ZFYVE16: variants seen among roughly 807,000 people sequenced by gnomAD.
The protein encoded by ZFYVE16 is zinc finger FYVE domain-containing protein 16.
ZFYVE16 carries 89 observed loss-of-function variants against 138.1 expected under a neutral mutation model. The observed-to-expected ratio is 0.64, with a 90% CI of 0.54 to 0.77. ZFYVE16 has a LOEUF of 0.77. Ranked by LOEUF, ZFYVE16 falls within the 30% of genes least tolerant of loss-of-function variation. The pLI is 0.00. For synonymous variants in ZFYVE16, 596 were observed against 618.3 expected (o/e 0.96, Z 0.53); for missense variants, 1,793 against 1,786.7 (o/e 1.00, Z -0.06).
intron 2 of ZFYVE16, among the ~76,000 whole-genome samples, chr5:80,433,067 C>A (rs1225423709): frequency 6.6e-6 from 1 of 152,146 alleles, no homozygotes; most frequent in African/African-American, 2.4e-5. Context: ...TACCATTTGA[C>A]CCAGCCATCC....
intron 11 of ZFYVE16, 114 bp from the exon 12 acceptor site, chr5:80,455,578 T>G (rs1238713972): frequency 3.8e-5 from 32 of 847,330 alleles, no homozygotes; most frequent in Non-Finnish European, 5.6e-5. Context: ...TAAGAACTGA[T>G]TGAGTGATAT....
intron 1 of ZFYVE16, among the ~76,000 whole-genome samples, chr5:80,421,319 C>T (rs1361870790): frequency 2.0e-5 from 3 of 151,794 alleles, no homozygotes; most frequent in Admixed American, 6.6e-5. Flanking sequence ...CATTTGTCAA[C>T]TGTGGCTTTT....
Position 80,472,849 on chromosome 5 carries a change from G to A in ZFYVE16, c.4113G>A (p.Gly1371=). 6.2e-7 allele frequency: 1 copy of A among 1,614,072 alleles called. No homozygotes were observed. Among genetic ancestry groups the A allele is most frequent in the African/African-American group, 1.3e-5 (1 of 75,054 alleles). The change falls in exon 16 of 19, where the codon GGG becomes GGA. Residue 1371 remains glycine, a synonymous_variant. Transcript: ENST00000505560. ...REQKDFKITC[G]KVDAVDLREY... ...AGAAAGACTTTAAAATTACATGTGG[G>A]AAAGTTGATGCAGTAGACCTGAGAG... is the stretch of plus-strand genomic sequence containing the variant.
chr5:80,411,170 G>A (rs182095960), intron 1 of ZFYVE16, among the ~76,000 whole-genome samples: 3,986 of 127,874 alleles, frequency 0.031, 69 homozygotes, highest in Middle Eastern at 0.062. Context: ...TTTTAGTAGA[G>A]ACAGGGTTTC....
At chr5:80,440,412 C>T (rs1328805774) in intron 5 of ZFYVE16, 1 of 987,832 alleles carries the variant, frequency 1.0e-6, no homozygotes, top group Non-Finnish European at 1.2e-6. Flanking sequence ...ATTAATAGCA[C>T]AGGGCAAGAT....
At chr5:80,431,210 T>C (rs1330005014) in intron 2 of ZFYVE16, among the ~76,000 whole-genome samples, 1 of 152,010 alleles carries the variant, frequency 6.6e-6, no homozygotes, top group Non-Finnish European at 1.5e-5. Context: ...GCAAACTGAA[T>C]CCAACAGTAC....
At chr5:80,444,348 T>A (rs547216225) in intron 6 of ZFYVE16, among the ~76,000 whole-genome samples, 1 of 152,214 alleles carries the variant, frequency 6.6e-6, no homozygotes, top group African/African-American at 2.4e-5. Flanking sequence ...GAAAGATATC[T>A]TATTTAATAT....
At chr5:80,415,531 T>TA (rs1746077192) in intron 1 of ZFYVE16, among the ~76,000 whole-genome samples, 1 of 152,210 alleles carries the variant, frequency 6.6e-6, no homozygotes, top group Admixed American at 6.5e-5. Flanking sequence ...GGGTTACTGC[T>TA]CAGGTGTTTT....
chr5:80,479,621 A>G lies in ZFYVE16; in HGVS notation c.*2244A>G, dbSNP rs779327026. 3.3e-5 allele frequency among the ~76,000 whole-genome samples: 5 copies of G among 152,234 alleles called. No homozygotes were observed. The highest frequency in any genetic ancestry group is 7.3e-5 in the Non-Finnish European group (5 of 68,028). ...GAAAATTGCATGCTAGGATATTTAC[A>G]TCATGTTCCTGTTGAAAACAATTCC... On this transcript the variant is annotated 3_prime_UTR_variant, in exon 19 of 19. Coordinates refer to ENST00000505560, the MANE Select transcript of ZFYVE16 (RefSeq NM_001284236.3).
chr5:80,442,992 C>T lies in ZFYVE16; in HGVS notation c.2420-131C>T. 3.3e-6 allele frequency: 3 copies of T among 906,686 alleles called. 1 individual carries two copies. The highest frequency in any genetic ancestry group is 4.8e-6 in the Non-Finnish European group (3 of 628,300). The allele number at this position is 906,686 out of a possible 1,614,324, so 56.2% of individuals were successfully genotyped here. On this transcript the variant is annotated intron_variant, in intron 5 of 18. Coordinates refer to ENST00000505560, the MANE Select transcript of ZFYVE16 (RefSeq NM_001284236.3). ...CAGACAGTATCTTTGCCAAGTGCTA[C>T]TTCTTTTTCTTGATTAGCCATTTCT...
chr5:80,429,870 A>G (rs1263574182), intron 2 of ZFYVE16, among the ~76,000 whole-genome samples: 1 of 152,246 alleles, frequency 6.6e-6, no homozygotes, highest in Non-Finnish European at 1.5e-5. Context: ...AAAGGGATCA[A>G]TTCAACAAGA....
chr5:80,438,777 C>G lies in ZFYVE16; in HGVS notation c.2092C>G (p.Gln698Glu), dbSNP rs1561278496. Residue 698 changes from glutamine to glutamate, a missense_variant, in exon 4 of 19, where the codon CAG becomes GAG. Physicochemically the swap from Gln to Glu is conservative, Grantham distance 29. Transcript: ENST00000505560. ...TCAIDSTADPQVSFNSNYIDI... is the reference protein window; with the variant it reads ...TCAIDSTADPEVSFNSNYIDI... ...TGCTATAGATTCTACAGCTGATCCA[C>G]AGGTTAGCTTCAACTCTAATTACAT... 1.1e-5 allele frequency: 17 copies of G among 1,614,092 alleles called. No homozygotes were observed. The highest frequency in any genetic ancestry group is 1.4e-5 in the Non-Finnish European group (17 of 1,179,974).
At chr5:80,433,090 T>C (rs528986675) in intron 2 of ZFYVE16, among the ~76,000 whole-genome samples, 16 of 152,314 alleles carry the variant, frequency 1.1e-4, no homozygotes, top group Middle Eastern at 3.4e-3. Context: ...TTACTGGGTA[T>C]ATACCCAAAG....
chr5:80,412,713 G>C (rs1745630415), intron 1 of ZFYVE16, among the ~76,000 whole-genome samples: 1 of 152,100 alleles, frequency 6.6e-6, no homozygotes, highest in South Asian at 2.1e-4. Flanking sequence ...TTGCTAATAA[G>C]AAACTATTTC....
intron 1 of ZFYVE16, among the ~76,000 whole-genome samples, chr5:80,420,626 C>T (rs972196151): frequency 2.0e-5 from 3 of 152,156 alleles, no homozygotes; most frequent in Non-Finnish European, 4.4e-5. Context: ...GACATGAACT[C>T]ATCCTTTTTT....
At chr5:80,449,511 T>C (rs1490201113) in intron 8 of ZFYVE16, 80 bp from the exon 9 acceptor site, 4 of 1,446,666 alleles carry the variant, frequency 2.8e-6, no homozygotes, top group East Asian at 2.4e-5. Context: ...CACTGGTGGA[T>C]TTATAAATTT....
chr5:80,437,611 A>G lies in ZFYVE16; in HGVS notation c.926A>G (p.Asn309Ser). 1.2e-6 allele frequency: 2 copies of G among 1,612,768 alleles called. No homozygotes were observed. The highest frequency in any genetic ancestry group is 1.7e-6 in the Non-Finnish European group (2 of 1,179,602). Residue 309 changes from asparagine (N) to serine (S), a missense_variant, in exon 4 of 19, where the codon AAT (asparagine) becomes AGT (serine). Coordinates refer to ENST00000505560, the MANE Select transcript of ZFYVE16 (RefSeq NM_001284236.3). ...GCTTTGACCTGCAGCCTTCCGAAAA[A>G]TGAAGATTTATGCTTAAATGATTCA... ...TSALTCSLPK[N>S]EDLCLNDSNS... is the part of the protein sequence containing the mutation.
intron 15 of ZFYVE16, among the ~76,000 whole-genome samples, chr5:80,470,099 G>GTGTGTGTGTGTATATA (rs1327173079): frequency 3.3e-5 from 4 of 121,184 alleles, no homozygotes; most frequent in African/African-American, 1.4e-4. Flanking sequence ...GTGTGTGTGT[G>GTGTGTGTGTGTATATA]TATTTTTTTT....
At chr5:80,440,439 T>C in intron 5 of ZFYVE16, 1 of 986,004 alleles carries the variant, frequency 1.0e-6, no homozygotes, top group Non-Finnish European at 1.2e-6. Flanking sequence ...TCACACCCTT[T>C]AGAAAATAAC....
Sources: gnomAD v4.1 joint callset for allele counts (sites outside exome capture counted in the v4.1 genomes callset) on GRCh38, gnomAD v4.1.1 for gene constraint, MANE v1.5 for transcripts, NCBI Gene and HGNC (gene_info 2026-07-23, HGNC 2026-07-21) for gene names.